Variants in VPS35L observed in about 807,000 individuals in gnomAD.
The protein encoded by VPS35L is VPS35 endosomal protein sorting factor like, also known as VPS35 endosomal protein-sorting factor-like.
Under a neutral mutation model 133.0 loss-of-function variants are expected in VPS35L, and 83 were observed. The observed-to-expected ratio is 0.62, with a 90% CI of 0.52 to 0.75. The LOEUF is 0.75. Among genes scored for constraint, VPS35L ranks in the 30% least tolerant of loss-of-function variants. The probability of loss-of-function intolerance (pLI) is 0.00; values close to 1 mark genes in which losing one functional copy is unlikely to be tolerated. For missense variants in VPS35L, 1,083 were observed against 1,206.8 expected (o/e 0.90, Z 1.52); for synonymous variants, 423 against 449.9 (o/e 0.94, Z 0.76).
intron 15 of VPS35L, 143 bp downstream of exon 15, chr16:19,626,366 T>C: frequency 1.4e-6 from 1 of 728,824 alleles, no homozygotes; most frequent in South Asian, 1.6e-5. Context: ...TCCGGTTGCC[T>C]GGCCTCAGAC....
At chr16:19,659,524 G>A (rs1974411548) in intron 26 of VPS35L, among the ~76,000 whole-genome samples, 2 of 152,184 alleles carry the variant, frequency 1.3e-5, no homozygotes, top group Admixed American at 6.5e-5. Context: ...TAGCAATTAA[G>A]CATTAATGTA....
chr16:19,568,471 C>G (rs1240284223), intron 2 of VPS35L, among the ~76,000 whole-genome samples: 1 of 151,938 alleles, frequency 6.6e-6, no homozygotes, highest in Non-Finnish European at 1.5e-5. Context: ...GGTCTCCAGC[C>G]CTCTCACCTT....
At chr16:19,625,751 G>A (rs1057502150) in intron 14 of VPS35L, among the ~76,000 whole-genome samples, 3 of 152,120 alleles carry the variant, frequency 2.0e-5, no homozygotes, top group Non-Finnish European at 4.4e-5. Context: ...TCAGCTCATA[G>A]CAGCCTCCAC....
At position 19,700,465 on chromosome 16, in the gene VPS35L, A is replaced by T; in HGVS notation, c.2881A>T (p.Thr961Ser). 1.2e-6 allele frequency: 2 copies of T among 1,614,088 alleles called. No individual in the cohort carries two copies. ...TELALRLPLQTRT is the reference protein window; with the variant it reads ...TELALRLPLQSRT ...GCTGGCCCTCAGACTCCCTCTGCAAACAAGGACCTGACCCCCGGGCCCATC... is the reference window on the plus strand; with the variant it reads ...GCTGGCCCTCAGACTCCCTCTGCAATCAAGGACCTGACCCCCGGGCCCATC... Residue 961 changes from threonine to serine, a missense_variant, in exon 31 of 31, where the codon ACA (threonine) becomes TCA (serine). Transcript: ENST00000417362.
intron 12 of VPS35L, among the ~76,000 whole-genome samples, chr16:19,611,388 C>T (rs758542979): frequency 1.3e-5 from 2 of 152,172 alleles, no homozygotes; most frequent in Non-Finnish European, 2.9e-5. Context: ...TCTTCCCTAT[C>T]GTCCCATCAG....
At chr16:19,578,882 G>A in intron 5 of VPS35L, 170 bp from the exon 6 acceptor site, 1 of 660,696 alleles carries the variant, frequency 1.5e-6, no homozygotes, top group South Asian at 1.8e-5. Context: ...TGTTTCGATG[G>A]AATTCTGGTT....
chr16:19,573,011 A>G, intron 3 of VPS35L, 108 bp from the exon 4 acceptor site: 4 of 1,262,558 alleles, frequency 3.2e-6, no homozygotes, highest in Non-Finnish European at 4.3e-6. Context: ...CTTGAGACAA[A>G]TCTCTTTTAT....
intron 7 of VPS35L, among the ~76,000 whole-genome samples, chr16:19,582,690 A>T (rs1210495321): frequency 6.6e-6 from 1 of 152,206 alleles, no homozygotes; most frequent in Non-Finnish European, 1.5e-5. Flanking sequence ...CAATATTTGC[A>T]TTGGCAGCAT....
At chr16:19,679,440 A>G (rs1399971486) in intron 27 of VPS35L, among the ~76,000 whole-genome samples, 1 of 142,766 alleles carries the variant, frequency 7.0e-6, no homozygotes, top group African/African-American at 2.6e-5. Context: ...TAGAAACAAT[A>G]TTTGTTATGT....
chr16:19,637,181 A>G (rs1973647422), intron 19 of VPS35L, among the ~76,000 whole-genome samples: 1 of 152,232 alleles, frequency 6.6e-6, no homozygotes, highest in Admixed American at 6.5e-5. Flanking sequence ...GTTTATAGAA[A>G]AAGTTTGCCC....
At chr16:19,683,015 C>T (rs151076665) in intron 28 of VPS35L, among the ~76,000 whole-genome samples, 247 of 152,290 alleles carry the variant, frequency 1.6e-3, no homozygotes, top group South Asian at 8.3e-3. Flanking sequence ...GCCTTTACAG[C>T]CCAGGCTGAA....
chr16:19,659,248 G>A (rs1043543664), intron 26 of VPS35L, among the ~76,000 whole-genome samples: 1 of 152,180 alleles, frequency 6.6e-6, no homozygotes, highest in African/African-American at 2.4e-5. Flanking sequence ...TGAGAGAAAG[G>A]TATGTCATCC....
chr16:19,566,571 G>T (rs1457783908), intron 2 of VPS35L, among the ~76,000 whole-genome samples: 1 of 152,116 alleles, frequency 6.6e-6, no homozygotes, highest in Non-Finnish European at 1.5e-5. Context: ...TTCATGAATT[G>T]GGCAGCCTCC....
At chr16:19,662,070 G>A (rs988856254) in intron 26 of VPS35L, among the ~76,000 whole-genome samples, 1 of 152,176 alleles carries the variant, frequency 6.6e-6, no homozygotes, top group African/African-American at 2.4e-5. Flanking sequence ...AGGCATGATG[G>A]CGCACGCCTG....
chr16:19,590,243 GTGACTC>G (rs1408564631), intron 7 of VPS35L, among the ~76,000 whole-genome samples: 1 of 145,900 alleles, frequency 6.9e-6, no homozygotes, highest in Non-Finnish European at 1.5e-5. Context: ...GAGAAACTTG[GTGACTC>G]TAACAATTTA....
At chr16:19,571,703 C>T (rs1971390703) in intron 3 of VPS35L, among the ~76,000 whole-genome samples, 1 of 152,034 alleles carries the variant, frequency 6.6e-6, no homozygotes, top group Non-Finnish European at 1.5e-5. Context: ...TGCCACCACA[C>T]CTGGCTAATT....
At chr16:19,676,130 T>C (rs903162334) in intron 27 of VPS35L, among the ~76,000 whole-genome samples, 7 of 152,102 alleles carry the variant, frequency 4.6e-5, no homozygotes, top group Admixed American at 4.6e-4. Context: ...CATGCGCCCA[T>C]AACCCCAGCT....
chr16:19,682,177 C>T (rs1975303720), intron 27 of VPS35L, 48 bp from the exon 28 acceptor site: 3 of 1,588,468 alleles, frequency 1.9e-6, no homozygotes, highest in Non-Finnish European at 2.6e-6. Context: ...TTTTTCCCTC[C>T]CTGCTTCATC....
chr16:19,614,512 G>T (rs1972824267), intron 12 of VPS35L, among the ~76,000 whole-genome samples: 1 of 152,202 alleles, frequency 6.6e-6, no homozygotes. Flanking sequence ...CCGGGTTCAA[G>T]CGATCCTCCC....
Sources: gnomAD v4.1 joint callset for allele counts (sites outside exome capture counted in the v4.1 genomes callset) on GRCh38, gnomAD v4.1.1 for gene constraint, MANE v1.5 for transcripts, NCBI Gene and HGNC (gene_info 2026-07-23, HGNC 2026-07-21) for gene names.